Variants in ADGRB2 observed in about 807,000 individuals in gnomAD.
ADGRB2 encodes the protein adhesion G protein-coupled receptor B2.
Under a neutral mutation model 178.7 loss-of-function variants are expected in ADGRB2, and 47 were observed. The observed-to-expected ratio is 0.26, with a 90% CI of 0.21 to 0.34. The LOEUF (loss-of-function observed/expected upper bound fraction) is 0.34, where lower values mean the gene tolerates loss of function less well. Ranked by LOEUF, ADGRB2 falls within the 10% of genes least tolerant of loss-of-function variation. ADGRB2 has a pLI of 1.00. For missense variants in ADGRB2, 1,584 were observed against 2,180.8 expected, an observed-to-expected ratio of 0.73 and a Z score of 5.45; for synonymous variants, 870 against 912.4, an observed-to-expected ratio of 0.95 and a Z score of 0.84.
Position 31,756,685 on chromosome 1 carries a change from G to T in ADGRB2, c.152C>A (p.Ala51Asp). 1 of 1,608,150 alleles carries T rather than the reference G, an allele frequency of 6.2e-7. No individual in the cohort carries two copies. Among genetic ancestry groups the T allele is most frequent in the South Asian group, 1.1e-5 (1 of 89,586 alleles). The change falls in exon 4 of 33, where the codon GCC becomes GAC. Residue 51 changes from alanine (A) to aspartate (D), a missense_variant. Ala to Asp is a moderately radical substitution (Grantham distance 126). This residue lies in a region of ADGRB2 where 657 missense variants were observed against 847.6 expected (regional missense o/e 0.78). Coordinates refer to ENST00000373658, the MANE Select transcript of ADGRB2 (RefSeq NM_001364857.2). This position sits in a 1 kb window ranked among gnomAD's most constrained non-coding sequence, Gnocchi z 8.5. ...SALASGVLYGAFSLQDLFPTI... is the reference protein window; with the variant it reads ...SALASGVLYGDFSLQDLFPTI... Reference sequence around the variant, plus strand: ...AGGAAAGAGGTCCTGCAGCGAGAAGGCCCCGTAGAGCACACCCGAGGCCAG... The same window carrying T: ...AGGAAAGAGGTCCTGCAGCGAGAAGTCCCCGTAGAGCACACCCGAGGCCAG...
rs114790419 is a variant in ADGRB2 at position 31,753,804 on chromosome 1, T to C, written c.838+2195A>G. 3.8e-3 allele frequency among the ~76,000 whole-genome samples: 573 copies of C among 152,064 alleles called. 4 individuals carry two copies. Among genetic ancestry groups the C allele is most frequent in the African/African-American group, 0.014 (560 of 41,470 alleles). On this transcript the variant is annotated intron_variant, in intron 4 of 32. Transcript: ENST00000373658. This position sits in a 1 kb window ranked among gnomAD's most constrained non-coding sequence, Gnocchi z 4.1. ...CCCGCTATGTCTCACACCAGAAAGG[T>C]TGGGCAGGAGGGAGGGGATGGCAGA... is the stretch of plus-strand genomic sequence containing the variant.
At chr1:31,748,611 G>T (rs1003902833) in intron 4 of ADGRB2, among the ~76,000 whole-genome samples, 11 of 152,272 alleles carry the variant, frequency 7.2e-5, no homozygotes, top group African/African-American at 2.7e-4. Context: ...AGGGACGTGA[G>T]TACCCCCAAG....
At chr1:31,738,431 C>A in intron 17 of ADGRB2, 105 bp from the exon 18 acceptor site, 9 of 1,562,080 alleles carry the variant, frequency 5.8e-6, no homozygotes, top group Non-Finnish European at 7.8e-6. Context: ...AAGGCCACAT[C>A]CACGAGGCAA....
At chr1:31,731,797 G>GT (rs1218896245) in intron 28 of ADGRB2, among the ~76,000 whole-genome samples, 2 of 152,140 alleles carry the variant, frequency 1.3e-5, no homozygotes, top group Non-Finnish European at 2.9e-5. Flanking sequence ...ATATAATAAC[G>GT]TAACACTCTG....
At position 31,756,758 on chromosome 1, in the gene ADGRB2, G is replaced by A. The variant is rs745978126; in HGVS notation, c.79C>T (p.Leu27=). Reference sequence around the variant, plus strand: ...GGGTCGAAGGCGGTGGCCAGGCGCAGGGACAGAATCACAGACAGTAAGAGG... The same window carrying A: ...GGGTCGAAGGCGGTGGCCAGGCGCAAGGACAGAATCACAGACAGTAAGAGG... The part of the protein sequence containing the change: ...CPLLLSVILS[L]RLATAFDPAP... Residue 27 remains leucine (L), a synonymous_variant, in exon 4 of 33, where the codon CTG becomes TTG. Coordinates refer to ENST00000373658, the MANE Select transcript of ADGRB2 (RefSeq NM_001364857.2). This position sits in a 1 kb window ranked among gnomAD's most constrained non-coding sequence, Gnocchi z 8.5. 1.2e-5 allele frequency: 19 copies of A among 1,545,848 alleles called. No individual in the cohort carries two copies. In the East Asian group the frequency reaches 1.4e-4, roughly 11 times the overall value.
chr1:31,727,976 C>G lies in ADGRB2; in HGVS notation c.4572+49G>C. 6.6e-7 allele frequency: 1 copy of G among 1,516,802 alleles called. No homozygotes were observed. The highest frequency in any genetic ancestry group is 1.2e-5 in the South Asian group (1 of 80,968). 94.0% of individuals were successfully genotyped at this position (1,516,802 alleles called of 1,614,324 possible). ...GGGAGGGGCAGGAGGGCAGGGAGGG[C>G]ACGGGTCCCTCAGGCCCACCTCACC... is the stretch of plus-strand genomic sequence containing the variant. On this transcript the variant is annotated intron_variant, in intron 32 of 32. Coordinates refer to ENST00000373658, the MANE Select transcript of ADGRB2 (RefSeq NM_001364857.2). The surrounding 1 kb of genome is among the most constrained non-coding windows in gnomAD (Gnocchi z 4.4).
At chr1:31,739,870 G>A (rs1279770049) in intron 14 of ADGRB2, 56 bp downstream of exon 14, 13 of 1,504,538 alleles carry the variant, frequency 8.6e-6, no homozygotes, top group South Asian at 1.1e-5. Flanking sequence ...AGGAAAGACA[G>A]AACGTCTTGA....
chr1:31,751,048 T>C (rs1276549204), intron 4 of ADGRB2, among the ~76,000 whole-genome samples: 1 of 152,056 alleles, frequency 6.6e-6, no homozygotes, highest in Non-Finnish European at 1.5e-5. Flanking sequence ...CTTGCTGCCA[T>C]AAAGCCCTTG....
At chr1:31,738,141 G>A in intron 18 of ADGRB2, 59 bp downstream of exon 18, 3 of 1,593,394 alleles carry the variant, frequency 1.9e-6, no homozygotes, top group Non-Finnish European at 2.6e-6. Flanking sequence ...ATCACTGATG[G>A]CTGCTGGAAG....
intron 4 of ADGRB2, among the ~76,000 whole-genome samples, chr1:31,747,400 C>T (rs1646332206): frequency 6.6e-6 from 1 of 152,142 alleles, no homozygotes; most frequent in Non-Finnish European, 1.5e-5. Flanking sequence ...GAGCAGTTCT[C>T]CTGACCATCA....
chr1:31,763,985 T>C lies in ADGRB2; in HGVS notation c.-292A>G, dbSNP rs1193129831. On this transcript the variant is annotated 5_prime_UTR_variant, in exon 1 of 33. Transcript: ENST00000373658. ...GTCGGGGACCGGGCCGGGCGCAGGG[T>C]AGGTAGCTGCAGCCGCGCGGAGGGC... The C allele has an allele frequency of 1.0e-5, 10 of 976,008 alleles. No homozygotes were observed. Among genetic ancestry groups the C allele is most frequent in the Non-Finnish European group, 1.1e-5 (9 of 827,264 alleles). The allele number at this position is 976,008 out of a possible 1,614,324, so 60.5% of individuals were successfully genotyped here.
At chr1:31,732,257 C>T in intron 27 of ADGRB2, 103 bp from the exon 28 acceptor site, 1 of 1,507,448 alleles carries the variant, frequency 6.6e-7, no homozygotes, top group Non-Finnish European at 9.2e-7. Context: ...AGTCTGCCTG[C>T]CTTAGGGCTG....
chr1:31,751,829 C>A (rs1570024327), intron 4 of ADGRB2, among the ~76,000 whole-genome samples: 2 of 152,162 alleles, frequency 1.3e-5, no homozygotes, highest in African/African-American at 4.8e-5. Context: ...CCTTACTCTT[C>A]CTCTTCCTTT....
At chr1:31,737,563 G>A (rs754901124) in intron 19 of ADGRB2, 32 bp from the exon 20 acceptor site, 23 of 1,610,120 alleles carry the variant, frequency 1.4e-5, no homozygotes, top group Non-Finnish European at 1.6e-5. Context: ...GGACAGAGGC[G>A]CTGGCTGCCC....
In ADGRB2 at chr1:31,730,755, T is replaced by C. The variant is rs572602421; in HGVS notation, c.4380+45A>G. ...GTCCCCTCCTGGCTGCAGCCTGTGA[T>C]TGACACAGTCTCAGACACACACCCC... On this transcript the variant is annotated intron_variant, in intron 29 of 32. Transcript: ENST00000373658. The C allele has an allele frequency of 1.1e-5, 16 of 1,417,004 alleles. No homozygotes were observed. The South Asian group carries it at 1.2e-4, about 10-fold the overall frequency. 87.8% of individuals were successfully genotyped at this position (1,417,004 alleles called of 1,614,324 possible). A position where few individuals can be genotyped will look rare whatever the true frequency, so the allele number is the denominator to read the frequency against.
intron 28 of ADGRB2, among the ~76,000 whole-genome samples, chr1:31,731,674 C>T (rs909783664): frequency 6.6e-6 from 1 of 152,144 alleles, no homozygotes; most frequent in Non-Finnish European, 1.5e-5. Context: ...GTGCAGGTCC[C>T]GACTTTGACC....
In ADGRB2 at chr1:31,732,628, G is replaced by T; in HGVS notation, c.3625-16C>A. On this transcript the variant is annotated splice_polypyrimidine_tract_variant and intron_variant, in intron 26 of 32. Transcript: ENST00000373658. ...CATCCTGGACCTGGGGACAGAGGGC[G>T]CCTGCTGGGCCTGAGGCCACTGCAG... is the stretch of plus-strand genomic sequence containing the variant. 1 of 1,611,940 alleles carries T rather than the reference G, an allele frequency of 6.2e-7. No homozygotes were observed. The highest frequency in any genetic ancestry group is 8.5e-7 in the Non-Finnish European group (1 of 1,179,064).
At position 31,732,371 on chromosome 1, in the gene ADGRB2, C is replaced by CCCAGGTGTTAGTGGCTGAGCCTGAATCAA; in HGVS notation, c.3720+117_3720+145dup. ...TGGGGGAAGGACTTGCCCAATGCCA[C>CCCAGGTGTTAGTGGCTGAGCCTGAATCAA]CCAGGTGTTAGTGGCTGAGCCTGAA... On this transcript the variant is annotated intron_variant, in intron 27 of 32. Coordinates refer to ENST00000373658, the MANE Select transcript of ADGRB2 (RefSeq NM_001364857.2). 3 of 1,165,880 alleles carry CCCAGGTGTTAGTGGCTGAGCCTGAATCAA rather than the reference C, an allele frequency of 2.6e-6. No homozygotes were observed. In the Admixed American group the frequency reaches 6.2e-5, roughly 24 times the overall value. 72.2% of individuals were successfully genotyped at this position (1,165,880 alleles called of 1,614,324 possible). A position where few individuals can be genotyped will look rare whatever the true frequency, so the allele number is the denominator to read the frequency against.
Position 31,754,032 on chromosome 1 carries a change from A to G in ADGRB2, c.838+1967T>C, listed in dbSNP as rs1646712341. 6.6e-6 allele frequency among the ~76,000 whole-genome samples: 1 copy of G among 152,194 alleles called. No individual in the cohort carries two copies. The highest frequency in any genetic ancestry group is 1.5e-5 in the Non-Finnish European group (1 of 68,022). On this transcript the variant is annotated intron_variant, in intron 4 of 32. Coordinates refer to ENST00000373658, the MANE Select transcript of ADGRB2 (RefSeq NM_001364857.2). This position sits in a 1 kb window ranked among gnomAD's most constrained non-coding sequence, Gnocchi z 5.7. ...GGCAAGAGCAGAGGTCAGGCTTGGG[A>G]ACAGCTGGGAGCCCCAGCTCAGGGC...
Sources: allele counts gnomAD v4.1 joint callset (sites outside exome capture counted in the v4.1 genomes callset), GRCh38; gene constraint gnomAD v4.1.1; regional missense constraint gnomAD v4.1.1; non-coding constraint Gnocchi (gnomAD v3.1); transcripts MANE v1.5; gene names NCBI Gene and HGNC (gene_info 2026-07-23, HGNC 2026-07-21).